Variants in ASB18 observed in about 807,000 individuals in gnomAD.
ASB18 encodes ankyrin repeat and SOCS box containing 18.
A neutral mutation model predicts 33.4 loss-of-function variants in ASB18; 33 were observed. The ratio of observed to expected loss-of-function variants is 0.99; its 90% CI spans 0.75 to 1.32. The LOEUF is 1.32. Ranked by LOEUF, ASB18 falls within the 40% of genes most tolerant of loss-of-function variation. The pLI, the probability that ASB18 is intolerant of heterozygous loss-of-function variation, is 0.00. For synonymous variants in ASB18, 295 were observed against 307.6 expected (o/e 0.96, Z 0.43); for missense variants, 694 against 655.5 (o/e 1.06, Z -0.64).
rs1317400685 is a variant in ASB18 at position 236,204,815 on chromosome 2, C to T, written c.1102-8430G>A. Among the ~76,000 whole-genome samples, 2 of 151,788 alleles carry T rather than the reference C, an allele frequency of 1.3e-5. No individual in the cohort carries two copies. Among genetic ancestry groups the T allele is most frequent in the Admixed American group, 6.6e-5 (1 of 15,234 alleles). On this transcript the variant is annotated intron_variant, in intron 4 of 5. Transcript: ENST00000409749. The surrounding 1 kb of genome is among the most constrained non-coding windows in gnomAD (Gnocchi z 5.1). ...ATACCAAAAACTGAACTCCCTTGTT[C>T]ACCAGGTCCCAACCTGCTGTGCCAC...
rs563235778 is a variant in ASB18, at chr2:236,203,347, G to T, written c.1102-6962C>A. 6.6e-6 allele frequency among the ~76,000 whole-genome samples: 1 copy of T among 152,300 alleles called. No individual in the cohort carries two copies. Among genetic ancestry groups the T allele is most frequent in the East Asian group, 1.9e-4 (1 of 5,180 alleles). ...AAGGCATGGAGAGTTCTGGGGACAA[G>T]AGTGTTCTAGGCAGAGAAAACGTAT... On this transcript the variant is annotated intron_variant, in intron 4 of 5. Coordinates refer to ENST00000409749, the MANE Select transcript of ASB18 (RefSeq NM_212556.4). This position sits in a 1 kb window ranked among gnomAD's most constrained non-coding sequence, Gnocchi z 6.0.
rs569793913 is a variant in ASB18, at chr2:236,249,469, C to T, written c.206-8067G>A. ...CTGTTTCCATTCTCTCTGGTACAGC[C>T]ATGGAAATCCTCCCCCTTTTTTCTT... On this transcript the variant is annotated intron_variant, in intron 1 of 5. Transcript: ENST00000409749. This position sits in a 1 kb window ranked among gnomAD's most constrained non-coding sequence, Gnocchi z 4.6. The T allele has an allele frequency of 6.6e-6, 1 of 152,310 alleles. No homozygotes were observed. The highest frequency in any genetic ancestry group is 2.1e-4 in the South Asian group (1 of 4,822). The allele number at this position is 152,310 out of a possible 1,614,324, so 9.4% of individuals were successfully genotyped here.
At chr2:236,258,814 T>C (rs190015553) in intron 1 of ASB18, among the ~76,000 whole-genome samples, 1 of 152,318 alleles carries the variant, frequency 6.6e-6, no homozygotes, top group East Asian at 1.9e-4. Flanking sequence ...TTAGTATTTC[T>C]TTAACTTTCC....
rs1177658177 is a variant in ASB18 at position 236,221,307 on chromosome 2, G to C, written c.597-6441C>G. 1.3e-5 allele frequency among the ~76,000 whole-genome samples: 2 copies of C among 152,182 alleles called. No individual in the cohort carries two copies. Among genetic ancestry groups the C allele is most frequent in the African/African-American group, 4.8e-5 (2 of 41,438 alleles). On this transcript the variant is annotated intron_variant, in intron 3 of 5. Coordinates refer to ENST00000409749, the MANE Select transcript of ASB18 (RefSeq NM_212556.4). The surrounding 1 kb of genome is among the most constrained non-coding windows in gnomAD (Gnocchi z 5.6). ...CAAACGTCACCTTTTGTGTGTGAGTGGGGAAAGGGACATTGCTTCTGAACA... is the reference window on the plus strand; with the variant it reads ...CAAACGTCACCTTTTGTGTGTGAGTCGGGAAAGGGACATTGCTTCTGAACA...
intron 1 of ASB18, among the ~76,000 whole-genome samples, chr2:236,258,559 A>G (rs1425043668): frequency 6.6e-6 from 1 of 152,198 alleles, no homozygotes; most frequent in East Asian, 1.9e-4. Flanking sequence ...CATTTAATTT[A>G]GAGTCAGCCG....
chr2:236,243,980 C>A (rs1232169068), intron 1 of ASB18, among the ~76,000 whole-genome samples: 2 of 152,098 alleles, frequency 1.3e-5, no homozygotes, highest in African/African-American at 4.8e-5. Context: ...GTTCTTGCGA[C>A]CAAACCCAGC....
Position 236,205,729 on chromosome 2 carries a change from G to A in ASB18, c.1101+8633C>T, listed in dbSNP as rs72620808. Among the ~76,000 whole-genome samples, 26,177 of 152,064 alleles carry A rather than the reference G, an allele frequency of 0.17. 2,273 individuals are homozygous for A. The highest frequency in any genetic ancestry group is 0.25 in the South Asian group (1,201 of 4,810). ...AATGCATTAGAAAGGCATGTTTTATGAACCCTTGATATCTAAAAGTGTCTT... is the reference window on the plus strand; with the variant it reads ...AATGCATTAGAAAGGCATGTTTTATAAACCCTTGATATCTAAAAGTGTCTT... On this transcript the variant is annotated intron_variant, in intron 4 of 5. Transcript: ENST00000409749. The surrounding 1 kb of genome is among the most constrained non-coding windows in gnomAD (Gnocchi z 5.4).
chr2:236,246,050 C>A (rs1195966957), intron 1 of ASB18, among the ~76,000 whole-genome samples: 2 of 152,066 alleles, frequency 1.3e-5, no homozygotes, highest in Non-Finnish European at 2.9e-5. Flanking sequence ...GAGATCCTTA[C>A]CAGGTTTTGT....
intron 3 of ASB18, among the ~76,000 whole-genome samples, chr2:236,230,105 T>G (rs904335612): frequency 6.6e-6 from 1 of 151,912 alleles, no homozygotes; most frequent in Admixed American, 6.6e-5. Context: ...ATAACTATAT[T>G]CCACCTGTTT....
At chr2:236,206,364 C>A (rs926156740) in intron 4 of ASB18, among the ~76,000 whole-genome samples, 3 of 152,126 alleles carry the variant, frequency 2.0e-5, no homozygotes, top group African/African-American at 7.2e-5. Flanking sequence ...ACTGAGGACA[C>A]CTCCTCAGGG....
In ASB18 at chr2:236,245,536, G is replaced by A. The variant is rs535948759; in HGVS notation, c.206-4134C>T. Among the ~76,000 whole-genome samples, 14 of 152,154 alleles carry A rather than the reference G, an allele frequency of 9.2e-5. No homozygotes were observed. The highest frequency in any genetic ancestry group is 2.1e-4 in the Non-Finnish European group (14 of 68,040). ...TTCGTCTCTCCAGGTGTCTGTGCAG[G>A]CTGTTCCTTCTGCCTGCAGTCCTTA... is the stretch of plus-strand genomic sequence containing the variant. On this transcript the variant is annotated intron_variant, in intron 1 of 5. Transcript: ENST00000409749. This position sits in a 1 kb window ranked among gnomAD's most constrained non-coding sequence, Gnocchi z 4.7.
rs200717235 is a variant in ASB18 at position 236,209,273 on chromosome 2, C to CTTT, written c.1101+5086_1101+5088dup. Reference sequence around the variant, plus strand: ...GATTTGCAGATGTTTCTAGAATCTGCTTTTTTTTTTTTTTTTTAAGACAAG... The same window carrying CTTT: ...GATTTGCAGATGTTTCTAGAATCTGCTTTTTTTTTTTTTTTTTTTTAAGACAAG... On this transcript the variant is annotated intron_variant, in intron 4 of 5. Coordinates refer to ENST00000409749, the MANE Select transcript of ASB18 (RefSeq NM_212556.4). The surrounding 1 kb of genome is among the most constrained non-coding windows in gnomAD (Gnocchi z 4.4). Among the ~76,000 whole-genome samples the CTTT allele has an allele frequency of 4.2e-3, 580 of 139,422 alleles. 2 individuals are homozygous for CTTT. The highest frequency in any genetic ancestry group is 0.015 in the African/African-American group (550 of 37,836). 91.5% of individuals were successfully genotyped at this position (139,422 alleles called of 152,430 possible). A position where few individuals can be genotyped will look rare whatever the true frequency, so the allele number is the denominator to read the frequency against.
rs561464317 is a variant in ASB18, at chr2:236,211,709, G to A, written c.1101+2653C>T. On this transcript the variant is annotated intron_variant, in intron 4 of 5. Transcript: ENST00000409749. This position sits in a 1 kb window ranked among gnomAD's most constrained non-coding sequence, Gnocchi z 5.0. ...TGCCGTCCCTGGAGGAGCGATTGCA[G>A]GGAGACTGGGTGGAGGAAGAGGCTG... Among the ~76,000 whole-genome samples the A allele has an allele frequency of 6.6e-6, 1 of 152,336 alleles. No individual in the cohort carries two copies.
intron 4 of ASB18, among the ~76,000 whole-genome samples, chr2:236,201,255 G>A (rs1466136497): frequency 6.6e-6 from 1 of 152,018 alleles, no homozygotes; most frequent in African/African-American, 2.4e-5. Context: ...GGACTGAAGC[G>A]AACCTCCCAC....
At position 236,239,994 on chromosome 2, in the gene ASB18, G is replaced by A. The variant is rs1387736111; in HGVS notation, c.328+1286C>T. Reference sequence around the variant, plus strand: ...ACCAGCCCACATCCCTTTGCTGTGGGCGTGCTCCAGTATCCTGTCGTCCAG... The same window carrying A: ...ACCAGCCCACATCCCTTTGCTGTGGACGTGCTCCAGTATCCTGTCGTCCAG... On this transcript the variant is annotated intron_variant, in intron 2 of 5. Coordinates refer to ENST00000409749, the MANE Select transcript of ASB18 (RefSeq NM_212556.4). The surrounding 1 kb of genome is among the most constrained non-coding windows in gnomAD (Gnocchi z 5.6). Among the ~76,000 whole-genome samples, 2 of 152,238 alleles carry A rather than the reference G, an allele frequency of 1.3e-5. No individual in the cohort carries two copies. Among genetic ancestry groups the A allele is most frequent in the African/African-American group, 4.8e-5 (2 of 41,460 alleles).
At chr2:236,212,095 A>C (rs879155656) in intron 4 of ASB18, among the ~76,000 whole-genome samples, 2 of 152,160 alleles carry the variant, frequency 1.3e-5, no homozygotes, top group Admixed American at 1.3e-4. Context: ...AGAAAACTCC[A>C]ATTCCTTCCA....
Position 236,222,167 on chromosome 2 carries a change from T to G in ASB18, c.597-7301A>C, listed in dbSNP as rs556935178. 1.3e-5 allele frequency among the ~76,000 whole-genome samples: 2 copies of G among 152,336 alleles called. No homozygotes were observed. Among genetic ancestry groups the G allele is most frequent in the East Asian group, 1.9e-4 (1 of 5,186 alleles). On this transcript the variant is annotated intron_variant, in intron 3 of 5. Transcript: ENST00000409749. This position sits in a 1 kb window ranked among gnomAD's most constrained non-coding sequence, Gnocchi z 5.5. ...CACTTTATTTCCCTGGACCTTCTGC[T>G]GAGGCTTTCCTTTGGGGATCTTCCA...
At position 236,237,363 on chromosome 2, in the gene ASB18, GGGGCCGGGGCC is replaced by G. The variant is rs1559335047; in HGVS notation, c.596+315_596+325del. ...GGGGCCGGGGCCGGGGCGCGGGGCG[GGGGCCGGGGCC>G]GGGGCGCGGGGCGGGGGCCGGGGCC... is the stretch of plus-strand genomic sequence containing the variant. On this transcript the variant is annotated intron_variant, in intron 3 of 5. Transcript: ENST00000409749. This position sits in a 1 kb window ranked among gnomAD's most constrained non-coding sequence, Gnocchi z 6.2. 5.5e-5 allele frequency among the ~76,000 whole-genome samples: 4 copies of G among 72,462 alleles called. No individual in the cohort carries two copies. The highest frequency in any genetic ancestry group is 3.6e-4 in the African/African-American group (4 of 11,134). The allele number at this position is 72,462 out of a possible 152,430, so 47.5% of individuals were successfully genotyped here.
intron 3 of ASB18, among the ~76,000 whole-genome samples, chr2:236,232,694 C>A (rs1463029891): frequency 6.6e-6 from 1 of 151,864 alleles, no homozygotes; most frequent in East Asian, 1.9e-4. Flanking sequence ...AGAGGTCAGT[C>A]TCTTAGAAAA....
Sources: gnomAD v4.1 joint callset for allele counts (sites outside exome capture counted in the v4.1 genomes callset) on GRCh38, gnomAD v4.1.1 for gene constraint, Gnocchi (gnomAD v3.1) non-coding constraint, MANE v1.5 for transcripts, NCBI Gene and HGNC (gene_info 2026-07-23, HGNC 2026-07-21) for gene names.